Variants in PIEZO2 observed in about 807,000 individuals in gnomAD.
PIEZO2 encodes the protein piezo-type mechanosensitive ion channel component 2.
In PIEZO2, 172 loss-of-function variants were observed where a neutral mutation model predicts 337.3. The ratio of observed to expected loss-of-function variants is 0.51; its 90% CI spans 0.45 to 0.58. The LOEUF is 0.58. PIEZO2 is among the 20% of genes least tolerant of loss of function. The pLI, the probability that PIEZO2 is intolerant of heterozygous loss-of-function variation, is 0.00. For synonymous variants in PIEZO2, 1,251 were observed against 1,228.5 expected, an observed-to-expected ratio of 1.02 and a Z score of -0.38; for missense variants, 3,028 against 3,391.3, an observed-to-expected ratio of 0.89 and a Z score of 2.66.
At chr18:10,718,075 A>T in intron 37 of PIEZO2, 125 bp downstream of exon 37, 1 of 825,758 alleles carries the variant, frequency 1.2e-6, no homozygotes, top group South Asian at 1.7e-5. Context: ...GATACTGATT[A>T]TTTACTCATA....
intron 2 of PIEZO2, among the ~76,000 whole-genome samples, chr18:11,059,740 C>A (rs2037869386): frequency 6.6e-6 from 1 of 152,178 alleles, no homozygotes; most frequent in African/African-American, 2.4e-5. Context: ...AATACAGGAG[C>A]ACCCAGATTC....
rs1001395074 is a variant in PIEZO2, at chr18:10,945,824, A to C, written c.286+33711T>G. ...TAAGTAGATATAGAGAAGACATCAA[A>C]AGAAAAAATTGGACTTCTTGAGATA... On this transcript the variant is annotated intron_variant, in intron 3 of 55. Coordinates refer to ENST00000674853, the MANE Select transcript of PIEZO2 (RefSeq NM_001378183.1). This position sits in a 1 kb window ranked among gnomAD's most constrained non-coding sequence, Gnocchi z 4.0. Among the ~76,000 whole-genome samples the C allele has an allele frequency of 1.3e-5, 2 of 152,236 alleles. No homozygotes were observed. Among genetic ancestry groups the C allele is most frequent in the Non-Finnish European group, 2.9e-5 (2 of 68,046 alleles).
chr18:10,845,570 A>G (rs2041332194), intron 7 of PIEZO2, among the ~76,000 whole-genome samples: 1 of 152,200 alleles, frequency 6.6e-6, no homozygotes, highest in Admixed American at 6.5e-5. Context: ...GTTGATTGCT[A>G]GTTACCAGGA....
In PIEZO2 at chr18:10,929,946, A is replaced by G. The variant is rs1434099714; in HGVS notation, c.287-18718T>C. ...GGTGGGGTCCAACATGCCTCATTAT[A>G]CCCTCTTTCCTTTGGAGTTGAGGCA... On this transcript the variant is annotated intron_variant, in intron 3 of 55. Coordinates refer to ENST00000674853, the MANE Select transcript of PIEZO2 (RefSeq NM_001378183.1). This position sits in a 1 kb window ranked among gnomAD's most constrained non-coding sequence, Gnocchi z 5.6. Among the ~76,000 whole-genome samples the G allele has an allele frequency of 6.6e-6, 1 of 152,056 alleles. No homozygotes were observed. The highest frequency in any genetic ancestry group is 1.5e-5 in the Non-Finnish European group (1 of 68,020).
At chr18:10,823,065 C>G (rs1343633696) in intron 7 of PIEZO2, among the ~76,000 whole-genome samples, 1 of 152,108 alleles carries the variant, frequency 6.6e-6, no homozygotes, top group East Asian at 1.9e-4. Context: ...GTATTTAAGA[C>G]ATTTTATGAC....
At chr18:11,120,082 G>A (rs76548658) in intron 1 of PIEZO2, among the ~76,000 whole-genome samples, 1,530 of 152,240 alleles carry the variant, frequency 0.01, 30 homozygotes, top group African/African-American at 0.035. Context: ...CCACCAATGT[G>A]GTCGTGTTGC....
chr18:10,796,116 G>A (rs1389442528), intron 12 of PIEZO2, among the ~76,000 whole-genome samples: 1 of 151,980 alleles, frequency 6.6e-6, no homozygotes, highest in East Asian at 1.9e-4. Context: ...TGTAATCCCA[G>A]GACTTTGGGA....
At position 10,750,034 on chromosome 18, in the gene PIEZO2, A is replaced by G. The variant is rs2037585539; in HGVS notation, c.4264+57T>C. On this transcript the variant is annotated intron_variant, in intron 29 of 55. Transcript: ENST00000674853. This position sits in a 1 kb window ranked among gnomAD's most constrained non-coding sequence, Gnocchi z 4.1. ...TTGGCCCACTTTTAAAACTAGAACA[A>G]TACAACTATCCTCCCTCTTCTGCCT... 10 of 1,333,654 alleles carry G rather than the reference A, an allele frequency of 7.5e-6. No individual in the cohort carries two copies. In the East Asian group the frequency reaches 2.5e-4, roughly 33 times the overall value. 82.6% of individuals were successfully genotyped at this position (1,333,654 alleles called of 1,614,324 possible).
chr18:10,989,584 G>A (rs2035013671), intron 2 of PIEZO2, among the ~76,000 whole-genome samples: 1 of 151,876 alleles, frequency 6.6e-6, no homozygotes. Context: ...TGAATAATTA[G>A]GGCATCTAAA....
Position 10,748,224 on chromosome 18 carries a change from T to C in PIEZO2, c.4424+247A>G, listed in dbSNP as rs894269417. Among the ~76,000 whole-genome samples, 3 of 152,312 alleles carry C rather than the reference T, an allele frequency of 2.0e-5. No homozygotes were observed. The highest frequency in any genetic ancestry group is 3.9e-4 in the East Asian group (2 of 5,186). On this transcript the variant is annotated intron_variant, in intron 30 of 55. Transcript: ENST00000674853. The surrounding 1 kb of genome is among the most constrained non-coding windows in gnomAD (Gnocchi z 5.1). ...GTGGTGGATTCTGCAAGGGCTTCAATTGACCAGTGAACCTCTGGCCTTCCA... is the reference window on the plus strand; with the variant it reads ...GTGGTGGATTCTGCAAGGGCTTCAACTGACCAGTGAACCTCTGGCCTTCCA...
intron 1 of PIEZO2, among the ~76,000 whole-genome samples, chr18:11,113,724 G>A (rs1568384960): frequency 1.3e-5 from 2 of 152,066 alleles, no homozygotes; most frequent in African/African-American, 4.8e-5. Flanking sequence ...ATATTAGCAA[G>A]TAAGTCATCC....
Position 10,980,334 on chromosome 18 carries a change from C to G in PIEZO2, c.161-674G>C, listed in dbSNP as rs1598776877. Among the ~76,000 whole-genome samples, 1 of 151,660 alleles carries G rather than the reference C, an allele frequency of 6.6e-6. No homozygotes were observed. Among genetic ancestry groups the G allele is most frequent in the Admixed American group, 6.6e-5 (1 of 15,214 alleles). ...AAGAAATGTTTCATAAAGTTCAAAA[C>G]CTAGTTATAATTTTTAAAAACATAA... On this transcript the variant is annotated intron_variant, in intron 2 of 55. Coordinates refer to ENST00000674853, the MANE Select transcript of PIEZO2 (RefSeq NM_001378183.1). This position sits in a 1 kb window ranked among gnomAD's most constrained non-coding sequence, Gnocchi z 4.8.
intron 4 of PIEZO2, among the ~76,000 whole-genome samples, chr18:10,885,017 A>C (rs2042535127): frequency 6.6e-6 from 1 of 152,146 alleles, no homozygotes; most frequent in African/African-American, 2.4e-5. Flanking sequence ...GTGCTGAGAA[A>C]GCCAGTGTGC....
Position 10,937,207 on chromosome 18 carries a change from T to C in PIEZO2, c.287-25979A>G, listed in dbSNP as rs572966236. On this transcript the variant is annotated intron_variant, in intron 3 of 55. Transcript: ENST00000674853. ...GAGCCATTAATGCTAGGAACTACTA[T>C]GTGAATGAATGAAGAGTGACCTCCC... is the stretch of plus-strand genomic sequence containing the variant. Among the ~76,000 whole-genome samples the C allele has an allele frequency of 1.6e-4, 25 of 152,316 alleles. No homozygotes were observed. In the South Asian group the frequency reaches 5.0e-3, roughly 30 times the overall value.
At chr18:10,986,153 T>C (rs190155030) in intron 2 of PIEZO2, among the ~76,000 whole-genome samples, 116 of 152,046 alleles carry the variant, frequency 7.6e-4, no homozygotes, top group African/African-American at 2.8e-3. Context: ...CTCTACCAAA[T>C]ATTTAAAGAC....
At chr18:11,091,581 G>T (rs1212798554) in intron 1 of PIEZO2, among the ~76,000 whole-genome samples, 1 of 152,048 alleles carries the variant, frequency 6.6e-6, no homozygotes, top group African/African-American at 2.4e-5. Context: ...AACGTCATTT[G>T]GTGTGATTCT....
chr18:10,711,829 T>G (rs1009476846), intron 39 of PIEZO2, among the ~76,000 whole-genome samples: 6 of 152,222 alleles, frequency 3.9e-5, no homozygotes, highest in African/African-American at 1.4e-4. Flanking sequence ...GACTTTTGGT[T>G]AAGTTCACTA....
chr18:10,994,050 C>A (rs1204719045), intron 2 of PIEZO2, among the ~76,000 whole-genome samples: 1 of 152,162 alleles, frequency 6.6e-6, no homozygotes, highest in East Asian at 1.9e-4. Flanking sequence ...TTGTATCATT[C>A]TTTTGCCTTT....
intron 7 of PIEZO2, among the ~76,000 whole-genome samples, chr18:10,811,829 GT>G (rs1420007392): frequency 6.6e-6 from 1 of 152,136 alleles, no homozygotes; most frequent in Non-Finnish European, 1.5e-5. Flanking sequence ...AGTTGTTGTT[GT>G]TTTTTTCTTT....
Sources: allele counts gnomAD v4.1 joint callset (sites outside exome capture counted in the v4.1 genomes callset), GRCh38; gene constraint gnomAD v4.1.1; non-coding constraint Gnocchi (gnomAD v3.1); transcripts MANE v1.5; gene names NCBI Gene and HGNC (gene_info 2026-07-23, HGNC 2026-07-21).